PDZD4: variants seen among roughly 807,000 people sequenced by gnomAD.
PDZD4 encodes PDZ domain-containing protein 4.
In PDZD4, 9 loss-of-function variants were observed where a neutral mutation model predicts 38.5. That is an observed-to-expected ratio of 0.23 (90% CI 0.14 to 0.41). The LOEUF (loss-of-function observed/expected upper bound fraction) is 0.41. Ranked by LOEUF, PDZD4 falls within the 10% of genes least tolerant of loss-of-function variation. PDZD4 has a pLI of 1.00. For synonymous variants in PDZD4, 349 were observed against 315.7 expected (o/e 1.11, Z -1.12); for missense variants, 612 against 722.0 (o/e 0.85, Z 1.75).
intron 1 of PDZD4, among the ~76,000 whole-genome samples, chrX:153,809,599 A>C (rs1372850183): frequency 7.1e-5 from 8 of 112,894 alleles, no homozygotes; most frequent in Admixed American, 5.6e-4. Context: ...AGAAAAAAAA[A>C]TGCCACTACT....
intron 1 of PDZD4, among the ~76,000 whole-genome samples, chrX:153,826,607 C>G (rs1375281775): frequency 9.1e-6 from 1 of 110,212 alleles, no homozygotes; most frequent in African/African-American, 3.3e-5. Context: ...AGACGGGGTT[C>G]CACTATGTTG....
intron 1 of PDZD4, among the ~76,000 whole-genome samples, chrX:153,823,343 C>T (rs868908283): frequency 1.8e-5 from 2 of 110,311 alleles, no homozygotes; most frequent in African/African-American, 6.6e-5. Flanking sequence ...CTCAGCCTCC[C>T]GCGTACCTGG....
At chrX:153,821,096 C>G (rs1450886094) in intron 1 of PDZD4, among the ~76,000 whole-genome samples, 1 of 112,178 alleles carries the variant, frequency 8.9e-6, no homozygotes, top group Admixed American at 9.4e-5. Context: ...ACAGGCCCGG[C>G]AAGTAGCATG....
At chrX:153,825,305 G>C (rs781784187) in intron 1 of PDZD4, among the ~76,000 whole-genome samples, 1 of 112,254 alleles carries the variant, frequency 8.9e-6, no homozygotes, top group Non-Finnish European at 1.9e-5. Context: ...GACCATCTCC[G>C]GCGTGCTCGG....
chrX:153,823,671 C>T (rs1557081875), intron 1 of PDZD4, among the ~76,000 whole-genome samples: 2 of 112,513 alleles, frequency 1.8e-5, no homozygotes, highest in African/African-American at 6.5e-5. Context: ...TTCTTAATGA[C>T]CAACTGAATG....
chrX:153,823,978 G>C (rs1557081949), intron 1 of PDZD4, among the ~76,000 whole-genome samples: 1 of 112,385 alleles, frequency 8.9e-6, no homozygotes, highest in African/African-American at 3.2e-5. Context: ...TGGCCATGGA[G>C]TTCCTGTTCT....
intron 1 of PDZD4, among the ~76,000 whole-genome samples, chrX:153,824,188 T>C (rs781791128): frequency 9.0e-6 from 1 of 111,521 alleles, no homozygotes; most frequent in East Asian, 2.8e-4. Flanking sequence ...CACTATCGAA[T>C]TTCATTTCAG....
chrX:153,820,639 T>A (rs1489638327), intron 1 of PDZD4, among the ~76,000 whole-genome samples: 8 of 112,057 alleles, frequency 7.1e-5, no homozygotes, highest in Non-Finnish European at 1.3e-4. Flanking sequence ...ATATATATAT[T>A]TTTTACTTTA....
intron 1 of PDZD4, among the ~76,000 whole-genome samples, chrX:153,826,555 C>G (rs2148478624): frequency 9.1e-6 from 1 of 110,119 alleles, no homozygotes; most frequent in East Asian, 2.9e-4. Flanking sequence ...ATTACAGGCA[C>G]ACATCACCAT....
intron 3 of PDZD4, among the ~76,000 whole-genome samples, chrX:153,807,047 T>C (rs2064258019): frequency 8.9e-6 from 1 of 112,035 alleles, no homozygotes; most frequent in African/African-American, 3.2e-5. Flanking sequence ...CTCAGTGGTC[T>C]CCCTCCCAGG....
intron 5 of PDZD4, 139 bp downstream of exon 5, chrX:153,805,932 C>T (rs782785329): frequency 2.9e-5 from 19 of 645,548 alleles, no homozygotes; most frequent in Middle Eastern, 4.3e-4. Context: ...AGACTCAGCC[C>T]GGGTTTAGGA....
chrX:153,808,305 G>C lies in PDZD4; in HGVS notation c.314+37C>G, dbSNP rs782571809. On this transcript the variant is annotated intron_variant, in intron 2 of 7. Coordinates refer to ENST00000393758, the MANE Select transcript of PDZD4 (RefSeq NM_001303512.2). ...CCGCTCCAGGTGGCCTGTCCTCTCT[G>C]GAGGCAGGGCCCGGGGCCCTCCTGA... 12 of 1,171,044 alleles carry C rather than the reference G, an allele frequency of 1.0e-5. No homozygotes were observed. The East Asian group carries it at 3.6e-4, about 35-fold the overall frequency.
chrX:153,822,118 C>T (rs1205046221), intron 1 of PDZD4, among the ~76,000 whole-genome samples: 1 of 98,862 alleles, frequency 1.0e-5, no homozygotes, highest in Non-Finnish European at 2.0e-5. Flanking sequence ...ACCCAGGAGG[C>T]GGAGGCTGCA....
Position 153,803,796 on chromosome X carries a change from C to A in PDZD4, c.1885G>T (p.Glu629Ter). ...TCGCTGCGCACCTTCACTTTCCACTCCATGCGCGGTGCTTCAGTGGCCGCG... is the reference window on the plus strand; with the variant it reads ...TCGCTGCGCACCTTCACTTTCCACTACATGCGCGGTGCTTCAGTGGCCGCG... ...AAAATEAPRMEWKVKVRSDGT... is the reference protein window; with the variant it reads ...AAAATEAPRM The change falls in exon 8 of 8, where the codon GAG becomes TAG. Residue 629 changes from glutamate to a stop codon, truncating the protein, a stop_gained. Coordinates refer to ENST00000393758, the MANE Select transcript of PDZD4 (RefSeq NM_001303512.2). LOFTEE classifies it high-confidence loss of function. 8.3e-7 allele frequency: 1 copy of A among 1,206,035 alleles called. No individual in the cohort carries two copies. Among genetic ancestry groups the A allele is most frequent in the South Asian group, 1.8e-5 (1 of 56,971 alleles).
At chrX:153,814,981 A>T (rs1025508564) in intron 1 of PDZD4, among the ~76,000 whole-genome samples, 1 of 112,861 alleles carries the variant, frequency 8.9e-6, no homozygotes, top group Non-Finnish European at 1.9e-5. Flanking sequence ...CGAAGTGCTC[A>T]GAGCGCCACA....
chrX:153,825,962 TC>T (rs1270040614), intron 1 of PDZD4, among the ~76,000 whole-genome samples: 3 of 111,774 alleles, frequency 2.7e-5, no homozygotes, highest in Non-Finnish European at 5.7e-5. Flanking sequence ...ACACCGGTAA[TC>T]CCAGCACTTT....
chrX:153,824,553 G>A (rs899894078), intron 1 of PDZD4, among the ~76,000 whole-genome samples: 2 of 111,476 alleles, frequency 1.8e-5, no homozygotes, highest in African/African-American at 6.5e-5. Flanking sequence ...GGGAGCCAGA[G>A]AAGCCACCTG....
intron 1 of PDZD4, among the ~76,000 whole-genome samples, chrX:153,817,456 G>A (rs1444876075): frequency 9.0e-6 from 1 of 111,433 alleles, no homozygotes; most frequent in Non-Finnish European, 1.9e-5. Flanking sequence ...ATGAACGACC[G>A]GCACACACGA....
chrX:153,828,946 G>T (rs1432277316), intron 1 of PDZD4, among the ~76,000 whole-genome samples: 3 of 111,949 alleles, frequency 2.7e-5, no homozygotes, highest in African/African-American at 6.5e-5. Flanking sequence ...CAAACAGCGG[G>T]AACAAGAGAC....
Sources: gnomAD v4.1 joint callset for allele counts (sites outside exome capture counted in the v4.1 genomes callset) on GRCh38, gnomAD v4.1.1 for gene constraint, MANE v1.5 for transcripts, NCBI Gene and HGNC (gene_info 2026-07-23, HGNC 2026-07-21) for gene names.